The following ZNF521 variants were observed in gnomAD, a reference collection of about 807,000 sequenced individuals.
The protein encoded by ZNF521 is zinc finger protein 521, also known as LYST-interacting protein 3.
Under a neutral mutation model 105.5 loss-of-function variants are expected in ZNF521, and 14 were observed. That is an observed-to-expected ratio of 0.13 (90% CI 0.09 to 0.21). The LOEUF (loss-of-function observed/expected upper bound fraction) is 0.21, where lower values mean the gene tolerates loss of function less well. Among genes scored for constraint, ZNF521 ranks in the 10% least tolerant of loss-of-function variants. The probability of loss-of-function intolerance (pLI) is 1.00; values close to 1 mark genes in which losing one functional copy is unlikely to be tolerated. For missense variants in ZNF521, 1,233 were observed against 1,629.7 expected, an observed-to-expected ratio of 0.76 and a Z score of 4.19; for synonymous variants, 635 against 606.0, an observed-to-expected ratio of 1.05 and a Z score of -0.70.
intron 5 of ZNF521, among the ~76,000 whole-genome samples, chr18:25,147,409 T>C (rs957002071): frequency 6.6e-6 from 1 of 152,178 alleles, no homozygotes; most frequent in African/African-American, 2.4e-5. Flanking sequence ...CAAATTCCCC[T>C]CACATTTGAC....
At chr18:25,146,449 G>C (rs2034944988) in intron 5 of ZNF521, among the ~76,000 whole-genome samples, 1 of 151,978 alleles carries the variant, frequency 6.6e-6, no homozygotes, top group South Asian at 2.1e-4. Flanking sequence ...TAGCAACAAA[G>C]AAAACAAGCA....
At chr18:25,175,852 A>G (rs2035527177) in intron 5 of ZNF521, among the ~76,000 whole-genome samples, 2 of 152,234 alleles carry the variant, frequency 1.3e-5, no homozygotes, top group Non-Finnish European at 2.9e-5. Context: ...TAATAAATGG[A>G]AAGTTTCCTA....
chr18:25,209,885 T>G (rs2036148316), intron 4 of ZNF521, among the ~76,000 whole-genome samples: 1 of 152,194 alleles, frequency 6.6e-6, no homozygotes. Context: ...TTACATTCTT[T>G]TTGCTCCCTG....
chr18:25,256,587 GT>G (rs922693968), intron 3 of ZNF521, among the ~76,000 whole-genome samples: 12 of 152,094 alleles, frequency 7.9e-5, no homozygotes, highest in African/African-American at 2.9e-4. Context: ...CAGAAGTAGA[GT>G]TTCTGACTCT....
chr18:25,091,866 T>G, intron 6 of ZNF521, 84 bp downstream of exon 6: 1 of 1,521,494 alleles, frequency 6.6e-7, no homozygotes, highest in Non-Finnish European at 8.9e-7. Flanking sequence ...TAAAAGGCCA[T>G]AGCAGTGGGA....
intron 3 of ZNF521, among the ~76,000 whole-genome samples, chr18:25,284,186 T>C (rs1259314624): frequency 6.6e-6 from 1 of 152,224 alleles, no homozygotes; most frequent in Non-Finnish European, 1.5e-5. Context: ...GATATTTTTC[T>C]TTCTCTTTAC....
intron 5 of ZNF521, among the ~76,000 whole-genome samples, chr18:25,166,556 G>A (rs553949746): frequency 2.0e-5 from 3 of 152,206 alleles, no homozygotes; most frequent in Non-Finnish European, 2.9e-5. Context: ...ACCCACTGAC[G>A]TAATAGAAAT....
At chr18:25,082,267 C>T (rs1424421037) in intron 7 of ZNF521, among the ~76,000 whole-genome samples, 3 of 152,094 alleles carry the variant, frequency 2.0e-5, no homozygotes, top group East Asian at 1.9e-4. Flanking sequence ...TTAAGGGCTG[C>T]GATTTCAGCC....
chr18:25,195,011 G>C, intron 5 of ZNF521, 149 bp downstream of exon 5: 1 of 621,502 alleles, frequency 1.6e-6, no homozygotes, highest in Non-Finnish European at 2.7e-6. Context: ...ACCTTATCAG[G>C]ACTAATAACA....
intron 7 of ZNF521, among the ~76,000 whole-genome samples, chr18:25,076,069 A>G (rs969828571): frequency 1.3e-5 from 2 of 152,208 alleles, no homozygotes; most frequent in African/African-American, 4.8e-5. Context: ...AAGCATCATG[A>G]TCTTGAGAGA....
At chr18:25,201,505 G>GAACT (rs2035992042) in intron 4 of ZNF521, 1 of 152,164 alleles carries the variant, frequency 6.6e-6, no homozygotes, top group Non-Finnish European at 1.5e-5. Flanking sequence ...CAAAGACGAA[G>GAACT]AACTGTTTTG....
At chr18:25,217,165 A>T (rs1374861799) in intron 4 of ZNF521, among the ~76,000 whole-genome samples, 1 of 152,138 alleles carries the variant, frequency 6.6e-6, no homozygotes, top group Non-Finnish European at 1.5e-5. Flanking sequence ...ATTTTAAGTG[A>T]CTTCACTTAA....
At chr18:25,103,721 G>C (rs1216971943) in intron 5 of ZNF521, among the ~76,000 whole-genome samples, 1 of 146,322 alleles carries the variant, frequency 6.8e-6, no homozygotes, top group African/African-American at 2.5e-5. Flanking sequence ...ATCTAAGTGA[G>C]ACAGTTGTTA....
intron 3 of ZNF521, among the ~76,000 whole-genome samples, chr18:25,264,464 G>C (rs905071385): frequency 6.6e-6 from 1 of 151,836 alleles, no homozygotes; most frequent in Non-Finnish European, 1.5e-5. Context: ...TATTTTCACT[G>C]GGATCAGCTC....
chr18:25,193,186 T>A (rs891283216), intron 5 of ZNF521, among the ~76,000 whole-genome samples: 24 of 151,976 alleles, frequency 1.6e-4, no homozygotes, highest in Admixed American at 1.2e-3. Context: ...AGGAATGATA[T>A]AAAGCAATTT....
chr18:25,189,777 A>AT (rs2144618685), intron 5 of ZNF521, among the ~76,000 whole-genome samples: 1 of 152,326 alleles, frequency 6.6e-6, no homozygotes, highest in East Asian at 1.9e-4. Flanking sequence ...GTGTGACACA[A>AT]TTTTTTAGAC....
chr18:25,350,843 G>T, intron 2 of ZNF521, 64 bp downstream of exon 2: 1 of 1,522,554 alleles, frequency 6.6e-7, no homozygotes, highest in Non-Finnish European at 8.9e-7. Flanking sequence ...CGCAGCCCTC[G>T]CTCCGCTACC....
chr18:25,323,246 A>G (rs1218389849), intron 2 of ZNF521, among the ~76,000 whole-genome samples: 1 of 152,066 alleles, frequency 6.6e-6, no homozygotes, highest in African/African-American at 2.4e-5. Context: ...ATACGGTAAA[A>G]TTAAACTAGA....
chr18:25,210,655 T>C (rs2036163540), intron 4 of ZNF521, among the ~76,000 whole-genome samples: 1 of 152,142 alleles, frequency 6.6e-6, no homozygotes, highest in Admixed American at 6.5e-5. Context: ...CTTTGCTTCA[T>C]TTTCCAAATA....
Sources: gnomAD v4.1 joint callset for allele counts (sites outside exome capture counted in the v4.1 genomes callset) on GRCh38, gnomAD v4.1.1 for gene constraint, MANE v1.5 for transcripts, NCBI Gene and HGNC (gene_info 2026-07-23, HGNC 2026-07-21) for gene names.